The following SMARCC1 variants were observed in gnomAD, a reference collection of about 807,000 sequenced individuals.
The protein encoded by SMARCC1 is SWI/SNF complex subunit SMARCC1.
SMARCC1 carries 43 observed loss-of-function variants against 147.4 expected under a neutral mutation model. The observed-to-expected ratio is 0.29, with a 90% CI of 0.23 to 0.38. The LOEUF (loss-of-function observed/expected upper bound fraction) is 0.38. Ranked by LOEUF, SMARCC1 falls within the 10% of genes least tolerant of loss-of-function variation. SMARCC1 has a pLI of 1.00. For missense variants in SMARCC1, 1,119 were observed against 1,381.1 expected (o/e 0.81, Z 3.01); for synonymous variants, 495 against 484.4 (o/e 1.02, Z -0.29).
chr3:47,675,833 T>C (rs2033564161), intron 17 of SMARCC1, among the ~76,000 whole-genome samples: 1 of 151,680 alleles, frequency 6.6e-6, no homozygotes, highest in Non-Finnish European at 1.5e-5. Flanking sequence ...TAATCTCAGC[T>C]ACTCAGGAGG....
intron 21 of SMARCC1, among the ~76,000 whole-genome samples, chr3:47,647,986 C>T (rs1224058668): frequency 6.6e-6 from 1 of 152,112 alleles, no homozygotes; most frequent in Non-Finnish European, 1.5e-5. Context: ...TGCTCACTGA[C>T]ATTCTAAACC....
At chr3:47,664,053 G>A in intron 19 of SMARCC1, 1 of 558,954 alleles carries the variant, frequency 1.8e-6, no homozygotes, top group Non-Finnish European at 3.1e-6. Context: ...GTCGTTGGGG[G>A]AGGAAGTGAC....
At chr3:47,735,418 G>C (rs1249699642) in intron 5 of SMARCC1, among the ~76,000 whole-genome samples, 2 of 152,132 alleles carry the variant, frequency 1.3e-5, no homozygotes, top group Non-Finnish European at 2.9e-5. Flanking sequence ...ACTTTGGGAG[G>C]GCGAGGCTGG....
intron 4 of SMARCC1, among the ~76,000 whole-genome samples, chr3:47,737,287 G>A (rs2034455161): frequency 6.6e-6 from 1 of 152,136 alleles, no homozygotes; most frequent in African/African-American, 2.4e-5. Flanking sequence ...CCAGCTACAG[G>A]GAAAGCTGAG....
At chr3:47,729,189 G>C (rs930686791) in intron 5 of SMARCC1, 95 bp from the exon 6 acceptor site, 12 of 736,304 alleles carry the variant, frequency 1.6e-5, no homozygotes, top group Non-Finnish European at 2.7e-5. Context: ...CTAAAAGCAT[G>C]GTTTTACTTA....
At chr3:47,670,497 T>C in intron 19 of SMARCC1, 161 bp downstream of exon 19, 1 of 612,226 alleles carries the variant, frequency 1.6e-6, no homozygotes. Context: ...GGTAAGAGGA[T>C]CGCCTGAGCC....
chr3:47,769,677 C>T (rs1165322310), intron 2 of SMARCC1, among the ~76,000 whole-genome samples: 1 of 152,134 alleles, frequency 6.6e-6, no homozygotes, highest in Non-Finnish European at 1.5e-5. Context: ...GTCAAAGGCT[C>T]TACTCACACA....
rs1342521716 is a variant in SMARCC1 at position 47,743,106 on chromosome 3, G to A, written c.401+2802C>T. Among the ~76,000 whole-genome samples the A allele has an allele frequency of 9.9e-5, 15 of 152,176 alleles. 1 individual carries two copies. The highest frequency in any genetic ancestry group is 9.8e-4 in the Admixed American group (15 of 15,266). On this transcript the variant is annotated intron_variant, in intron 3 of 27. Coordinates refer to ENST00000254480, the MANE Select transcript of SMARCC1 (RefSeq NM_003074.4). ...AAACTTTGGACCTAAAGCCAGAAAT[G>A]CAACCTAGACTGTGAGGTTCAATTA...
At chr3:47,733,986 T>C (rs865891831) in intron 5 of SMARCC1, among the ~76,000 whole-genome samples, 3 of 151,842 alleles carry the variant, frequency 2.0e-5, no homozygotes, top group Non-Finnish European at 1.5e-5. Context: ...TGTATATATA[T>C]ACATATGTAT....
chr3:47,730,652 G>C (rs1416175795), intron 5 of SMARCC1, among the ~76,000 whole-genome samples: 1 of 152,094 alleles, frequency 6.6e-6, no homozygotes, highest in Non-Finnish European at 1.5e-5. Context: ...GATCACCTGA[G>C]GTCAGAAGTT....
At chr3:47,661,154 A>G in intron 21 of SMARCC1, 140 bp downstream of exon 21, 3 of 616,860 alleles carry the variant, frequency 4.9e-6, no homozygotes, top group Non-Finnish European at 7.8e-6. Context: ...GAGAAAAAAA[A>G]TCATGTACTA....
rs1453848767 is a variant in SMARCC1, at chr3:47,610,252, G to T, written c.2857C>A (p.Arg953=). ...HMEQLKYAEL[R]ARQQMEQQQH... The stretch of plus-strand genomic sequence containing the variant: ...TGCTGTTCCATTTGCTGTCGTGCTC[G>T]TAATTCAGCATACTTCAGCTGTTCC... The change falls in exon 26 of 28, where the codon CGA becomes AGA. Residue 953 remains arginine, a synonymous_variant. Transcript: ENST00000254480. 2 of 1,614,180 alleles carry T rather than the reference G, an allele frequency of 1.2e-6. No individual in the cohort carries two copies. Among genetic ancestry groups the T allele is most frequent in the South Asian group, 1.1e-5 (1 of 91,084 alleles).
chr3:47,781,149 A>T (rs1407043447), intron 1 of SMARCC1, among the ~76,000 whole-genome samples: 1 of 152,222 alleles, frequency 6.6e-6, no homozygotes, highest in Non-Finnish European at 1.5e-5. Flanking sequence ...GCCTGTTATT[A>T]ATTAACGAAT....
intron 1 of SMARCC1, among the ~76,000 whole-genome samples, chr3:47,781,210 G>A (rs1188258959): frequency 6.6e-6 from 1 of 152,160 alleles, no homozygotes; most frequent in Non-Finnish European, 1.5e-5. Context: ...AAACCCCCTC[G>A]AGACTTTGAA....
intron 10 of SMARCC1, among the ~76,000 whole-genome samples, chr3:47,702,091 T>C (rs2033925212): frequency 6.6e-6 from 1 of 152,170 alleles, no homozygotes; most frequent in African/African-American, 2.4e-5. Context: ...ATGGCCCTTT[T>C]ATCATCCAAA....
chr3:47,664,686 A>G (rs2033399831), intron 19 of SMARCC1, among the ~76,000 whole-genome samples: 1 of 152,194 alleles, frequency 6.6e-6, no homozygotes, highest in African/African-American at 2.4e-5. Flanking sequence ...CTCCAGGACC[A>G]TGGTTCTCAA....
chr3:47,693,668 T>C (rs966702158), intron 11 of SMARCC1, among the ~76,000 whole-genome samples: 3 of 152,084 alleles, frequency 2.0e-5, no homozygotes, highest in African/African-American at 7.2e-5. Flanking sequence ...CTAATACCTT[T>C]TTAGTTTGTT....
chr3:47,680,978 T>A (rs1460464076), intron 14 of SMARCC1, among the ~76,000 whole-genome samples: 1 of 152,138 alleles, frequency 6.6e-6, no homozygotes, highest in Admixed American at 6.5e-5. Flanking sequence ...TACAAAAAAG[T>A]TAAGGAAAGC....
chr3:47,624,598 A>G (rs2032780805), intron 24 of SMARCC1, among the ~76,000 whole-genome samples: 1 of 152,210 alleles, frequency 6.6e-6, no homozygotes, highest in Non-Finnish European at 1.5e-5. Context: ...CATTCCTGAA[A>G]TCAAGGACTA....
Sources: gnomAD v4.1 joint callset for allele counts (sites outside exome capture counted in the v4.1 genomes callset) on GRCh38, gnomAD v4.1.1 for gene constraint, MANE v1.5 for transcripts, NCBI Gene and HGNC (gene_info 2026-07-23, HGNC 2026-07-21) for gene names.